Variants in FANCI observed in about 807,000 individuals in gnomAD.
FANCI encodes FA complementation group I.
In FANCI, 156 loss-of-function variants were observed where a neutral mutation model predicts 176.1. The ratio of observed to expected loss-of-function variants is 0.89; its 90% confidence interval spans 0.78 to 1.01. FANCI has a LOEUF of 1.01. FANCI is among the 50% of genes least tolerant of loss of function. The pLI is 0.00. For synonymous variants in FANCI, 613 were observed against 541.7 expected, an observed-to-expected ratio of 1.13 and a Z score of -1.83; for missense variants, 1,678 against 1,534.1, an observed-to-expected ratio of 1.09 and a Z score of -1.57.
intron 34 of FANCI, among the ~76,000 whole-genome samples, chr15:89,310,791 A>G (rs2054923545): frequency 6.6e-6 from 1 of 152,208 alleles, no homozygotes; most frequent in Non-Finnish European, 1.5e-5. Flanking sequence ...CCATTGCTGC[A>G]ACTCTTAGCA....
intron 36 of FANCI, 22 bp from the exon 37 acceptor site, chr15:89,315,260 C>T (rs754814390): frequency 1.3e-6 from 2 of 1,566,182 alleles, no homozygotes; most frequent in Non-Finnish European, 1.8e-6. Flanking sequence ...GGAGATGTCC[C>T]ATGCTTACAA....
intron 4 of FANCI, 80 bp downstream of exon 4, chr15:89,260,923 T>G (rs2052686033): frequency 6.2e-5 from 91 of 1,472,570 alleles, no homozygotes; most frequent in Non-Finnish European, 7.6e-5. Context: ...AAAACTTAAG[T>G]GCCCAACCTA....
intron 2 of FANCI, among the ~76,000 whole-genome samples, chr15:89,255,836 C>T (rs1250962930): frequency 1.3e-5 from 2 of 152,022 alleles, no homozygotes; most frequent in Non-Finnish European, 2.9e-5. Flanking sequence ...CTGAAGATCA[C>T]ATAAGTGGAA....
intron 15 of FANCI, 91 bp from the exon 16 acceptor site, chr15:89,281,674 T>C: frequency 8.4e-7 from 1 of 1,186,154 alleles, no homozygotes; most frequent in Non-Finnish European, 1.3e-6. Context: ...TAAGCTTCCT[T>C]ATAGAAGCCA....
intron 25 of FANCI, 37 bp downstream of exon 25, chr15:89,300,003 G>A (rs374091089): frequency 2.5e-6 from 4 of 1,609,868 alleles, no homozygotes; most frequent in Admixed American, 3.3e-5. Flanking sequence ...GCTTGATTTA[G>A]GTTTCTCCTT....
intron 10 of FANCI, 44 bp downstream of exon 10, chr15:89,268,569 A>C: frequency 6.2e-7 from 1 of 1,613,084 alleles, no homozygotes; most frequent in Non-Finnish European, 8.5e-7. Flanking sequence ...TTTTGAATGA[A>C]AGTGTTTGAA....
At chr15:89,284,862 C>A (rs1169324469) in intron 17 of FANCI, among the ~76,000 whole-genome samples, 2 of 152,084 alleles carry the variant, frequency 1.3e-5, no homozygotes, top group Admixed American at 1.3e-4. Context: ...TCAAGGAAAC[C>A]TTAAGGAATA....
At chr15:89,290,445 G>A (rs1231075031) in intron 19 of FANCI, 164 bp downstream of exon 19, 20 of 640,188 alleles carry the variant, frequency 3.1e-5, no homozygotes, top group Middle Eastern at 3.2e-4. Context: ...GTCTTATCTC[G>A]GTCACCACTT....
rs142405245 is a variant in FANCI, at chr15:89,274,669, A to G, written c.1112+365A>G. ...ACCGAGGCTGGAGTGTAGTGCCACAATCTTGGCTCACTGCACCCTTGACCT... is the reference window on the plus strand; with the variant it reads ...ACCGAGGCTGGAGTGTAGTGCCACAGTCTTGGCTCACTGCACCCTTGACCT... On this transcript the variant is annotated intron_variant, in intron 12 of 37. Coordinates refer to ENST00000310775, the MANE Select transcript of FANCI (RefSeq NM_001113378.2). Among the ~76,000 whole-genome samples, 772 of 132,244 alleles carry G rather than the reference A, an allele frequency of 5.8e-3. 5 individuals are homozygous for G. The highest frequency in any genetic ancestry group is 0.019 in the African/African-American group (657 of 35,324). The allele number at this position is 132,244 out of a possible 152,430, so 86.8% of individuals were successfully genotyped here.
At chr15:89,305,875 T>C (rs2054698370) in intron 31 of FANCI, 132 bp from the exon 32 acceptor site, 2 of 1,071,786 alleles carry the variant, frequency 1.9e-6, no homozygotes, top group African/African-American at 3.1e-5. Flanking sequence ...GCACGATTAA[T>C]TCACTCTGCA....
At position 89,261,897 on chromosome 15, in the gene FANCI, T is replaced by C; in HGVS notation, c.503+19T>C. 1 of 1,612,362 alleles carries C rather than the reference T, an allele frequency of 6.2e-7. No individual in the cohort carries two copies. The highest frequency in any genetic ancestry group is 8.5e-7 in the Non-Finnish European group (1 of 1,178,474). On this transcript the variant is annotated intron_variant, in intron 6 of 37. Transcript: ENST00000310775. ...CTGGCAGGTGAGTCTTGTTAATATG[T>C]ATAACTTTCTTAGGAATACAAGTGG...
At chr15:89,253,419 T>G (rs1255683109) in intron 2 of FANCI, among the ~76,000 whole-genome samples, 1 of 151,952 alleles carries the variant, frequency 6.6e-6, no homozygotes, top group Non-Finnish European at 1.5e-5. Context: ...GAGGCTGAGG[T>G]GGGAAGATCG....
At chr15:89,276,677 T>G (rs2053423969) in intron 12 of FANCI, 34 bp from the exon 13 acceptor site, 1 of 1,613,202 alleles carries the variant, frequency 6.2e-7, no homozygotes, top group Admixed American at 1.7e-5. Context: ...CTCACTAAGT[T>G]TTTCTTTTTT....
rs11855684 is a variant in FANCI, at chr15:89,310,471, C to T, written c.3652-2433C>T. Among the ~76,000 whole-genome samples the T allele has an allele frequency of 4.8e-3, 738 of 152,296 alleles. 5 individuals carry two copies. Among genetic ancestry groups the T allele is most frequent in the African/African-American group, 0.016 (671 of 41,562 alleles). On this transcript the variant is annotated intron_variant, in intron 34 of 37. Transcript: ENST00000310775. ...ACTTCCTAGACTGCTATTATTTTCC[C>T]CTCATTACACAGTAATCAGTTTCAT...
chr15:89,285,201 C>T lies in FANCI; in HGVS notation c.1804C>T (p.Arg602Ter), dbSNP rs1432325198. The stretch of plus-strand genomic sequence containing the variant: ...ATGCTTAAGCCAGCAAGCTGATGTT[C>T]GACTCATGCTTTATGAGGTAAGTCC... ...RRCLSQQADV[R>*]LMLYEGFYDV... Residue 602 changes from arginine (R) to a stop codon, truncating the protein, a stop_gained, in exon 18 of 38, where the codon CGA becomes TGA. Coordinates refer to ENST00000310775, the MANE Select transcript of FANCI (RefSeq NM_001113378.2). LOFTEE classifies it high-confidence loss of function. The T allele has an allele frequency of 8.7e-6, 14 of 1,613,904 alleles. No homozygotes were observed. Among genetic ancestry groups the T allele is most frequent in the South Asian group, 2.2e-5 (2 of 91,040 alleles).
In FANCI at chr15:89,273,428, C is replaced by G. The variant is rs749013382; in HGVS notation, c.934C>G (p.Leu312Val). 4 of 1,603,354 alleles carry G rather than the reference C, an allele frequency of 2.5e-6. No individual in the cohort carries two copies. The highest frequency in any genetic ancestry group is 1.7e-4 in the Middle Eastern group (1 of 6,042). The change falls in exon 11 of 38, where the codon CTT (leucine) becomes GTT (valine). Residue 312 changes from leucine (L) to valine (V), a missense_variant. This residue lies in a region of FANCI where 469 missense variants were observed against 436.9 expected (regional missense o/e 1.07). Transcript: ENST00000310775. ...NNNLSPFSIA[L>V]LLSVTRIQRF... Reference sequence around the variant, plus strand: ...TAACTTAAGTCCCTTCAGCATTGCTCTTCTTCTGTCTGTAACAAGAATACA... The same window carrying G: ...TAACTTAAGTCCCTTCAGCATTGCTGTTCTTCTGTCTGTAACAAGAATACA...
chr15:89,260,458 C>CAG (rs2052667852), intron 3 of FANCI, among the ~76,000 whole-genome samples: 1 of 152,060 alleles, frequency 6.6e-6, no homozygotes, highest in Non-Finnish European at 1.5e-5. Context: ...AGCTGTAAGA[C>CAG]CTATTAGAAG....
intron 4 of FANCI, among the ~76,000 whole-genome samples, chr15:89,261,044 G>T (rs564676135): frequency 2.6e-5 from 4 of 152,020 alleles, no homozygotes; most frequent in Non-Finnish European, 4.4e-5. Context: ...GGTGAGGATC[G>T]CTTGAGCTCA....
chr15:89,295,126 C>T, intron 24 of FANCI, 32 bp downstream of exon 24: 5 of 1,545,516 alleles, frequency 3.2e-6, no homozygotes, highest in Non-Finnish European at 4.4e-6. Context: ...GAAACTTATT[C>T]CACTTGGCTG....
Sources: allele counts gnomAD v4.1 joint callset (sites outside exome capture counted in the v4.1 genomes callset), GRCh38; gene constraint gnomAD v4.1.1; regional missense constraint gnomAD v4.1.1; transcripts MANE v1.5; gene names NCBI Gene and HGNC (gene_info 2026-07-23, HGNC 2026-07-21).